Variants in TMCC1 observed in about 807,000 individuals in gnomAD.
TMCC1 encodes transmembrane and coiled-coil domains protein 1.
Under a neutral mutation model 52.4 loss-of-function variants are expected in TMCC1, and 15 were observed. The observed-to-expected ratio is 0.29, with a 90% CI of 0.19 to 0.44. TMCC1 has a LOEUF of 0.44. Ranked by LOEUF, TMCC1 falls within the 20% of genes least tolerant of loss-of-function variation. The pLI, the probability that TMCC1 is intolerant of heterozygous loss-of-function variation, is 1.00. For synonymous variants in TMCC1, 279 were observed against 301.9 expected, an observed-to-expected ratio of 0.92 and a Z score of 0.79; for missense variants, 503 against 806.0, an observed-to-expected ratio of 0.62 and a Z score of 4.55.
At chr3:129,786,255 A>C (rs1297098313) in intron 4 of TMCC1, among the ~76,000 whole-genome samples, 2 of 152,014 alleles carry the variant, frequency 1.3e-5, no homozygotes, top group Non-Finnish European at 2.9e-5. Flanking sequence ...AGAACTCCTT[A>C]AAAGGAACAG....
chr3:129,686,772 T>G (rs1190099990), intron 4 of TMCC1, among the ~76,000 whole-genome samples: 2 of 152,180 alleles, frequency 1.3e-5, no homozygotes, highest in Non-Finnish European at 2.9e-5. Flanking sequence ...ACAGAAAGCT[T>G]CTTTTAACAA....
chr3:129,710,227 AG>A (rs2048570993), intron 4 of TMCC1, among the ~76,000 whole-genome samples: 1 of 152,100 alleles, frequency 6.6e-6, no homozygotes, highest in African/African-American at 2.4e-5. Context: ...AAACTGTGTA[AG>A]TACTAAAAAG....
intron 4 of TMCC1, among the ~76,000 whole-genome samples, chr3:129,686,237 T>C (rs1178778558): frequency 3.3e-5 from 5 of 152,250 alleles, no homozygotes; most frequent in Admixed American, 6.5e-5. Flanking sequence ...GGTTAGGCCC[T>C]GGATCTACCT....
At chr3:129,867,428 C>A (rs928967325) in intron 2 of TMCC1, among the ~76,000 whole-genome samples, 4 of 152,188 alleles carry the variant, frequency 2.6e-5, no homozygotes, top group Non-Finnish European at 5.9e-5. Context: ...ATAATACAAA[C>A]CATATGGCCT....
At chr3:129,678,109 G>A (rs529914076) in intron 4 of TMCC1, among the ~76,000 whole-genome samples, 25 of 152,014 alleles carry the variant, frequency 1.6e-4, no homozygotes, top group South Asian at 6.2e-4. Context: ...TAGTGGAGGC[G>A]GGGTTTTGCC....
chr3:129,712,168 C>T (rs1560244985), intron 4 of TMCC1, among the ~76,000 whole-genome samples: 2 of 152,076 alleles, frequency 1.3e-5, no homozygotes, highest in Non-Finnish European at 2.9e-5. Context: ...CAGAGCGAGA[C>T]TCTTTCTCAA....
chr3:129,816,754 T>C (rs1002273826), intron 4 of TMCC1, among the ~76,000 whole-genome samples: 2 of 152,206 alleles, frequency 1.3e-5, no homozygotes, highest in African/African-American at 4.8e-5. Context: ...CCAGGCATAA[T>C]GGCTCATGCT....
At chr3:129,749,206 C>T (rs2052278251) in intron 4 of TMCC1, among the ~76,000 whole-genome samples, 1 of 150,130 alleles carries the variant, frequency 6.7e-6, no homozygotes, top group South Asian at 2.1e-4. Context: ...AGCAAATATC[C>T]CCAATCTGAC....
At chr3:129,729,387 T>G (rs1027336339) in intron 4 of TMCC1, among the ~76,000 whole-genome samples, 52 of 152,350 alleles carry the variant, frequency 3.4e-4, no homozygotes, top group African/African-American at 1.2e-3. Flanking sequence ...AGAATCTGTT[T>G]AAGACATTAA....
intron 4 of TMCC1, among the ~76,000 whole-genome samples, chr3:129,704,220 A>G (rs1474084920): frequency 6.6e-6 from 1 of 152,206 alleles, no homozygotes; most frequent in Non-Finnish European, 1.5e-5. Flanking sequence ...GATATTTTGA[A>G]CTGCAGTAAG....
intron 5 of TMCC1, among the ~76,000 whole-genome samples, chr3:129,656,151 G>A (rs755833452): frequency 9.9e-5 from 15 of 152,224 alleles, no homozygotes; most frequent in African/African-American, 9.6e-5. Context: ...GAAGAAGACC[G>A]ACTGAGGTAG....
intron 2 of TMCC1, among the ~76,000 whole-genome samples, chr3:129,866,290 CATAATAT>C (rs1302081721): frequency 3.0e-3 from 421 of 140,506 alleles, no homozygotes; most frequent in Non-Finnish European, 5.1e-3. Context: ...TACATATATA[CATAATAT>C]ATAATATATA....
Position 129,828,342 on chromosome 3 carries a change from G to C in TMCC1, c.37C>G (p.Pro13Ala). 6.2e-7 allele frequency: 1 copy of C among 1,613,944 alleles called. No homozygotes were observed. Among genetic ancestry groups the C allele is most frequent in the Non-Finnish European group, 8.5e-7 (1 of 1,179,992 alleles). The change falls in exon 4 of 7, where the codon CCT (proline) becomes GCT (alanine). Residue 13 changes from proline to alanine, a missense_variant. Transcript: ENST00000393238. The surrounding 1 kb of genome is among the most constrained non-coding windows in gnomAD (Gnocchi z 4.1). ...PSGSEQLFEDPDPGGKSQDAE... is the reference protein window; with the variant it reads ...PSGSEQLFEDADPGGKSQDAE... ...TCTTGGGATTTGCCTCCAGGATCAG[G>C]GTCCTCAAATAACTGTTCACTGCCC...
At chr3:129,723,135 CTA>C (rs1318071950) in intron 4 of TMCC1, among the ~76,000 whole-genome samples, 5 of 152,042 alleles carry the variant, frequency 3.3e-5, no homozygotes, top group Non-Finnish European at 1.5e-5. Context: ...AAACTATAGG[CTA>C]AGTTTGTACT....
Position 129,767,840 on chromosome 3 carries a change from T to C in TMCC1, c.576+59963A>G, listed in dbSNP as rs138661304. On this transcript the variant is annotated intron_variant, in intron 4 of 6. Transcript: ENST00000393238. ...GTATCGGTACTTCATTTGAATGCTT[T>C]ACTAAAGGGAAACATTCTTTTGCAA... 8.6e-3 allele frequency among the ~76,000 whole-genome samples: 1,311 copies of C among 152,330 alleles called. 10 individuals are homozygous for C. Among genetic ancestry groups the C allele is most frequent in the Middle Eastern group, 0.017 (5 of 294 alleles).
At chr3:129,783,491 A>C (rs2055713901) in intron 4 of TMCC1, among the ~76,000 whole-genome samples, 1 of 152,032 alleles carries the variant, frequency 6.6e-6, no homozygotes, top group Non-Finnish European at 1.5e-5. Context: ...GTGGTAGATT[A>C]TCACCTCCTG....
chr3:129,739,138 A>C (rs959736355), intron 4 of TMCC1, among the ~76,000 whole-genome samples: 2 of 152,144 alleles, frequency 1.3e-5, no homozygotes, highest in African/African-American at 4.8e-5. Context: ...TTTAAGAATT[A>C]TCTTTTTTAA....
intron 4 of TMCC1, among the ~76,000 whole-genome samples, chr3:129,763,659 A>C (rs552508464): frequency 9.8e-4 from 149 of 151,846 alleles, no homozygotes; most frequent in African/African-American, 3.4e-3. Context: ...GGTAGGTACC[A>C]GTTACAGATT....
At chr3:129,778,732 AT>A (rs1209362074) in intron 4 of TMCC1, among the ~76,000 whole-genome samples, 1 of 150,930 alleles carries the variant, frequency 6.6e-6, no homozygotes, top group Non-Finnish European at 1.5e-5. Flanking sequence ...ACAAAATCTG[AT>A]GGTTTTATAT....
Sources: gnomAD v4.1 joint callset for allele counts (sites outside exome capture counted in the v4.1 genomes callset) on GRCh38, gnomAD v4.1.1 for gene constraint, Gnocchi (gnomAD v3.1) non-coding constraint, MANE v1.5 for transcripts, NCBI Gene and HGNC (gene_info 2026-07-23, HGNC 2026-07-21) for gene names.